TANC2: variants seen among roughly 807,000 people sequenced by gnomAD.
TANC2 encodes the protein protein TANC2.
A neutral mutation model predicts 210.5 loss-of-function variants in TANC2; 26 were observed. The observed-to-expected ratio is 0.12, with a 90% CI of 0.09 to 0.17. The LOEUF is 0.17. Among genes scored for constraint, TANC2 ranks in the 10% least tolerant of loss-of-function variants. The pLI, the probability that TANC2 is intolerant of heterozygous loss-of-function variation, is 1.00. For synonymous variants in TANC2, 931 were observed against 967.1 expected, an observed-to-expected ratio of 0.96 and a Z score of 0.69; for missense variants, 2,129 against 2,608.9, an observed-to-expected ratio of 0.82 and a Z score of 4.01.
At chr17:63,165,944 G>A (rs1340606075) in intron 5 of TANC2, among the ~76,000 whole-genome samples, 3 of 152,190 alleles carry the variant, frequency 2.0e-5, no homozygotes, top group African/African-American at 7.2e-5. Context: ...ATCAGTCTTA[G>A]AAATTTCAGT....
At chr17:63,130,132 G>T (rs927340915) in intron 4 of TANC2, among the ~76,000 whole-genome samples, 2 of 152,014 alleles carry the variant, frequency 1.3e-5, no homozygotes, top group African/African-American at 4.8e-5. Flanking sequence ...AGCTGGGAAG[G>T]CTATTTATAT....
At chr17:63,037,640 C>G (rs1420967297) in intron 2 of TANC2, among the ~76,000 whole-genome samples, 1 of 151,808 alleles carries the variant, frequency 6.6e-6, no homozygotes, top group African/African-American at 2.4e-5. Context: ...ATGGTAAAAC[C>G]CTGTCTCTAC....
intron 5 of TANC2, among the ~76,000 whole-genome samples, chr17:63,190,183 TA>T: frequency 6.6e-6 from 1 of 151,968 alleles, no homozygotes; most frequent in East Asian, 1.9e-4. Flanking sequence ...AAAAAATTTT[TA>T]AAAAAATTAT....
intron 5 of TANC2, among the ~76,000 whole-genome samples, chr17:63,187,419 A>G (rs892730986): frequency 6.6e-6 from 1 of 152,210 alleles, no homozygotes; most frequent in African/African-American, 2.4e-5. Context: ...GGCATGTGCA[A>G]TTAACTAGAC....
At chr17:63,405,564 C>T (rs1430865570) in intron 20 of TANC2, among the ~76,000 whole-genome samples, 1 of 152,182 alleles carries the variant, frequency 6.6e-6, no homozygotes, top group Non-Finnish European at 1.5e-5. Flanking sequence ...CGGACTTCTG[C>T]TAATCACTTA....
chr17:63,342,800 C>G (rs754624004), intron 12 of TANC2, among the ~76,000 whole-genome samples: 2 of 152,086 alleles, frequency 1.3e-5, no homozygotes, highest in African/African-American at 4.8e-5. Flanking sequence ...AGAAGGCTAT[C>G]CAAATGCTTG....
At chr17:63,295,562 G>A (rs2044509966) in intron 9 of TANC2, among the ~76,000 whole-genome samples, 1 of 152,172 alleles carries the variant, frequency 6.6e-6, no homozygotes, top group Non-Finnish European at 1.5e-5. Flanking sequence ...ACTCTGGAAA[G>A]GTCATCTCTG....
intron 2 of TANC2, among the ~76,000 whole-genome samples, chr17:63,046,158 A>C (rs1339539521): frequency 6.6e-6 from 1 of 151,448 alleles, no homozygotes; most frequent in African/African-American, 2.4e-5. Flanking sequence ...TGTTATCTTT[A>C]TTAAATTCTT....
chr17:63,410,271 G>T (rs964720209), intron 21 of TANC2, among the ~76,000 whole-genome samples: 1 of 151,540 alleles, frequency 6.6e-6, no homozygotes, highest in Admixed American at 6.6e-5. Flanking sequence ...AACTAGTACC[G>T]TAGATCTCTT....
chr17:63,220,836 ATGTG>A (rs976594297), intron 7 of TANC2, among the ~76,000 whole-genome samples: 1 of 149,190 alleles, frequency 6.7e-6, no homozygotes, highest in Admixed American at 6.7e-5. Context: ...ATATGTATAT[ATGTG>A]TGTATATACG....
At chr17:63,355,226 T>G in exon 14 of TANC2, 2 of 1,613,730 alleles carry the variant, frequency 1.2e-6, no homozygotes, top group Non-Finnish European at 1.7e-6. Context: ...CTGGGAGCAT[T>G]GAAGGCACAC....
chr17:62,977,401 T>C (rs1004635935), intron 1 of TANC2, among the ~76,000 whole-genome samples: 1 of 152,246 alleles, frequency 6.6e-6, no homozygotes, highest in African/African-American at 2.4e-5. Context: ...TGAAGACATT[T>C]CACTTAATGC....
At chr17:62,991,066 TG>T (rs1404337642) in intron 1 of TANC2, among the ~76,000 whole-genome samples, 1 of 152,120 alleles carries the variant, frequency 6.6e-6, no homozygotes, top group African/African-American at 2.4e-5. Context: ...TCAGCCGCCT[TG>T]GTATAGTTGG....
At chr17:63,072,650 G>C (rs1198680673) in intron 2 of TANC2, among the ~76,000 whole-genome samples, 1 of 151,932 alleles carries the variant, frequency 6.6e-6, no homozygotes, top group East Asian at 1.9e-4. Flanking sequence ...CTAAATTAGT[G>C]GAGTGTTTTA....
chr17:63,273,171 A>G (rs891285344), intron 9 of TANC2, among the ~76,000 whole-genome samples: 3 of 152,064 alleles, frequency 2.0e-5, no homozygotes, highest in African/African-American at 7.2e-5. Context: ...TGGTAGTCCT[A>G]GCTACTCAGG....
intron 1 of TANC2, among the ~76,000 whole-genome samples, chr17:63,005,322 A>G (rs2033570193): frequency 6.6e-6 from 1 of 152,082 alleles, no homozygotes; most frequent in East Asian, 1.9e-4. Flanking sequence ...TGTTGATACC[A>G]TATTCTCATC....
chr17:63,175,024 A>G (rs1437050917), intron 5 of TANC2, among the ~76,000 whole-genome samples: 1 of 152,218 alleles, frequency 6.6e-6, no homozygotes, highest in Non-Finnish European at 1.5e-5. Context: ...TATAAGATCC[A>G]ATATTGGTAA....
chr17:62,976,165 A>G (rs772049222), intron 1 of TANC2, among the ~76,000 whole-genome samples: 12 of 152,082 alleles, frequency 7.9e-5, no homozygotes, highest in Admixed American at 4.6e-4. Flanking sequence ...TTTTTGGACT[A>G]TTTCTTTTGA....
intron 9 of TANC2, among the ~76,000 whole-genome samples, chr17:63,295,127 T>TA (rs2044496020): frequency 6.6e-6 from 1 of 152,158 alleles, no homozygotes; most frequent in African/African-American, 2.4e-5. Context: ...TCTTTTATCA[T>TA]ATTGATCTGA....
Sources: gnomAD v4.1 joint callset for allele counts (sites outside exome capture counted in the v4.1 genomes callset) on GRCh38, gnomAD v4.1.1 for gene constraint, MANE v1.5 for transcripts, NCBI Gene and HGNC (gene_info 2026-07-23, HGNC 2026-07-21) for gene names.